The following ASIC2 variants were observed in gnomAD, a reference collection of about 807,000 sequenced individuals.
The protein encoded by ASIC2 is acid sensing ion channel subunit 2.
Under a neutral mutation model 57.3 loss-of-function variants are expected in ASIC2, and 25 were observed. That is an observed-to-expected ratio of 0.44 (90% CI 0.32 to 0.61). ASIC2 has a LOEUF of 0.61. Ranked by LOEUF, ASIC2 falls within the 20% of genes least tolerant of loss-of-function variation. The pLI, the probability that ASIC2 is intolerant of heterozygous loss-of-function variation, is 0.06. For missense variants in ASIC2, 641 were observed against 738.1 expected (o/e 0.87, Z 1.52); for synonymous variants, 319 against 307.5 (o/e 1.04, Z -0.39).
chr17:33,795,249 C>T (rs1200421788), intron 1 of ASIC2, among the ~76,000 whole-genome samples: 2 of 152,252 alleles, frequency 1.3e-5, no homozygotes, highest in East Asian at 3.8e-4. Context: ...CACTACTCAT[C>T]CTACACCATG....
chr17:33,780,176 G>T (rs1019145727), intron 1 of ASIC2, among the ~76,000 whole-genome samples: 38 of 151,964 alleles, frequency 2.5e-4, no homozygotes, highest in African/African-American at 6.5e-4. Context: ...TTGCTATGTT[G>T]CCCAGGCTGG....
At chr17:34,148,332 T>C (rs769799979) in intron 1 of ASIC2, among the ~76,000 whole-genome samples, 100 of 152,144 alleles carry the variant, frequency 6.6e-4, no homozygotes, top group Non-Finnish European at 1.3e-4. Flanking sequence ...GAATTTTATA[T>C]ACCCCTGAAA....
chr17:33,959,410 T>C lies in ASIC2; in HGVS notation c.555+196568A>G, dbSNP rs570926528. Among the ~76,000 whole-genome samples the C allele has an allele frequency of 2.9e-3, 445 of 152,352 alleles. 1 individual carries two copies. Among genetic ancestry groups the C allele is most frequent in the Non-Finnish European group, 5.2e-3 (356 of 68,028 alleles). On this transcript the variant is annotated intron_variant, in intron 1 of 9. Transcript: ENST00000359872. Reference sequence around the variant, plus strand: ...TGAAGGAGAGTTTATTAAGGAGCATTGACTCAGACAATCACAAGGTGAAGT... The same window carrying C: ...TGAAGGAGAGTTTATTAAGGAGCATCGACTCAGACAATCACAAGGTGAAGT...
At chr17:34,089,051 C>T (rs1246221868) in intron 1 of ASIC2, among the ~76,000 whole-genome samples, 10 of 152,336 alleles carry the variant, frequency 6.6e-5, no homozygotes, top group South Asian at 2.1e-4. Flanking sequence ...CACTGACCTG[C>T]GCCCACTGTC....
intron 1 of ASIC2, among the ~76,000 whole-genome samples, chr17:33,843,225 T>C (rs889308300): frequency 1.3e-5 from 2 of 152,222 alleles, no homozygotes; most frequent in Non-Finnish European, 2.9e-5. Flanking sequence ...TTTGCTGCTG[T>C]GGTCCAAGAA....
chr17:33,378,584 G>GA (rs1298684291), intron 1 of ASIC2, among the ~76,000 whole-genome samples: 1 of 152,228 alleles, frequency 6.6e-6, no homozygotes, highest in Admixed American at 6.5e-5. Context: ...ATTGCCTCAA[G>GA]AAGTAAGGTG....
At chr17:33,109,760 A>G (rs1020765691) in intron 2 of ASIC2, among the ~76,000 whole-genome samples, 1 of 152,328 alleles carries the variant, frequency 6.6e-6, no homozygotes, top group Non-Finnish European at 1.5e-5. Flanking sequence ...TGAGGGTCCA[A>G]AAACTTGGGT....
chr17:33,324,891 AACC>A (rs547317480), intron 1 of ASIC2, among the ~76,000 whole-genome samples: 207 of 152,292 alleles, frequency 1.4e-3, no homozygotes, highest in African/African-American at 4.7e-3. Context: ...ATCACAAGAG[AACC>A]ACCCTGAAAA....
chr17:33,466,501 A>T (rs1912869220), intron 1 of ASIC2, among the ~76,000 whole-genome samples: 1 of 152,194 alleles, frequency 6.6e-6, no homozygotes, highest in Non-Finnish European at 1.5e-5. Context: ...CCTACTTTCA[A>T]GTTCATATGG....
chr17:33,211,440 T>C (rs924060216), intron 1 of ASIC2, among the ~76,000 whole-genome samples: 38 of 151,792 alleles, frequency 2.5e-4, no homozygotes, highest in African/African-American at 7.5e-4. Context: ...CGCTAGGTAT[T>C]GGGGGACATC....
In ASIC2 at chr17:33,810,751, G is replaced by A. The variant is rs527261420; in HGVS notation, c.555+345227C>T. The stretch of plus-strand genomic sequence containing the variant: ...CTACATTGTTATTTATAGAAAAAAG[G>A]AAAGATGAATGTTTTTATGTAAAAA... On this transcript the variant is annotated intron_variant, in intron 1 of 9. Transcript: ENST00000359872. Among the ~76,000 whole-genome samples the A allele has an allele frequency of 1.2e-4, 18 of 152,232 alleles. No individual in the cohort carries two copies. In the South Asian group the frequency reaches 3.7e-3, roughly 32 times the overall value.
At chr17:33,015,946 C>T in intron 9 of ASIC2, 25 bp downstream of exon 9, 2 of 1,613,600 alleles carry the variant, frequency 1.2e-6, no homozygotes, top group Non-Finnish European at 1.7e-6. Flanking sequence ...AGCAGAACAA[C>T]TTCCAATCAG....
At chr17:33,799,403 TTTTC>T (rs1555562483) in intron 1 of ASIC2, among the ~76,000 whole-genome samples, 23 of 51,362 alleles carry the variant, frequency 4.5e-4, no homozygotes, top group South Asian at 9.3e-4. Flanking sequence ...TCTTTCTTTC[TTTTC>T]TTTCTTTCTT....
chr17:33,467,313 A>C (rs1912900351), intron 1 of ASIC2, among the ~76,000 whole-genome samples: 1 of 152,170 alleles, frequency 6.6e-6, no homozygotes, highest in South Asian at 2.1e-4. Flanking sequence ...AGAAATATGA[A>C]GTTTATTTTC....
At chr17:33,645,019 A>G (rs1169915771) in intron 1 of ASIC2, among the ~76,000 whole-genome samples, 1 of 152,244 alleles carries the variant, frequency 6.6e-6, no homozygotes, top group Non-Finnish European at 1.5e-5. Context: ...ATGATTAGCC[A>G]CGTGAAACAT....
chr17:33,028,689 A>G (rs1331674462), intron 3 of ASIC2, among the ~76,000 whole-genome samples: 1 of 152,068 alleles, frequency 6.6e-6, no homozygotes, highest in East Asian at 1.9e-4. Context: ...CCCCACCCTA[A>G]CTTATCTTTT....
In ASIC2 at chr17:33,658,712, C is replaced by T. The variant is rs184009006; in HGVS notation, c.555+497266G>A. Among the ~76,000 whole-genome samples the T allele has an allele frequency of 2.6e-3, 401 of 152,282 alleles. 2 individuals carry two copies. The highest frequency in any genetic ancestry group is 5.0e-3 in the East Asian group (26 of 5,160). ...CCCAATCCTCTCCTAAAGGCCCCAC[C>T]TTGGCTGGAGCTGCGGCTCACACCT... On this transcript the variant is annotated intron_variant, in intron 1 of 9. Coordinates refer to the ASIC2 transcript ENST00000359872.
rs114168749 is a variant in ASIC2 at position 33,113,928 on chromosome 17, G to T, written c.709-1861C>A. Among the ~76,000 whole-genome samples, 594 of 152,242 alleles carry T rather than the reference G, an allele frequency of 3.9e-3. 2 individuals are homozygous for T. The highest frequency in any genetic ancestry group is 0.014 in the African/African-American group (574 of 41,534). On this transcript the variant is annotated intron_variant, in intron 1 of 9. Transcript: ENST00000225823. ...AGGGACATGAGGGTTTTCGTCATTG[G>T]GACACTTCCTAGCCACATACTGCTC... is the stretch of plus-strand genomic sequence containing the variant.
chr17:33,958,763 A>T (rs1426798018), intron 1 of ASIC2, among the ~76,000 whole-genome samples: 1 of 152,082 alleles, frequency 6.6e-6, no homozygotes, highest in Non-Finnish European at 1.5e-5. Flanking sequence ...GGTGATTAAC[A>T]TTTGGCTCCT....
Sources: gnomAD v4.1 joint callset for allele counts (sites outside exome capture counted in the v4.1 genomes callset) on GRCh38, gnomAD v4.1.1 for gene constraint, MANE v1.5 for transcripts, NCBI Gene and HGNC (gene_info 2026-07-23, HGNC 2026-07-21) for gene names.